Variants in PARD3 observed in about 807,000 individuals in gnomAD.
PARD3 encodes par-3 family cell polarity regulator, also known as partitioning defective 3 homolog.
In PARD3, 75 loss-of-function variants were observed where a neutral mutation model predicts 155.4. That is an observed-to-expected ratio of 0.48 (90% CI 0.40 to 0.58). The LOEUF (loss-of-function observed/expected upper bound fraction) is 0.58, where lower values mean the gene tolerates loss of function less well. PARD3 is among the 20% of genes least tolerant of loss of function. The probability of loss-of-function intolerance (pLI) is 0.00; values close to 1 mark genes in which losing one functional copy is unlikely to be tolerated. For synonymous variants in PARD3, 576 were observed against 610.5 expected (o/e 0.94, Z 0.83); for missense variants, 1,642 against 1,721.7 (o/e 0.95, Z 0.82).
intron 5 of PARD3, among the ~76,000 whole-genome samples, chr10:34,445,674 A>G (rs2076699908): frequency 6.6e-6 from 1 of 152,204 alleles, no homozygotes; most frequent in Non-Finnish European, 1.5e-5. Context: ...CCTTAAAAAC[A>G]GGTCTACAAT....
At chr10:34,240,317 G>T (rs1953499649) in intron 22 of PARD3, among the ~76,000 whole-genome samples, 1 of 152,168 alleles carries the variant, frequency 6.6e-6, no homozygotes. Flanking sequence ...TTCTGAGTAA[G>T]TACAGATGTG....
At chr10:34,477,526 T>TA (rs2078796739) in intron 3 of PARD3, among the ~76,000 whole-genome samples, 1 of 152,186 alleles carries the variant, frequency 6.6e-6, no homozygotes, top group Non-Finnish European at 1.5e-5. Context: ...GCACTGTAAA[T>TA]ATTGATGTCT....
intron 1 of PARD3, among the ~76,000 whole-genome samples, chr10:34,755,843 A>G (rs1314990973): frequency 6.6e-6 from 1 of 152,174 alleles, no homozygotes; most frequent in Admixed American, 6.5e-5. Context: ...CAAATCAACA[A>G]GACAGGCATT....
chr10:34,404,459 G>C (rs1052892969), intron 5 of PARD3, among the ~76,000 whole-genome samples: 3 of 152,114 alleles, frequency 2.0e-5, no homozygotes, highest in African/African-American at 7.2e-5. Context: ...TTGAACCCAG[G>C]ATTTCAAGAC....
chr10:34,544,757 C>A (rs2083909884), intron 2 of PARD3, among the ~76,000 whole-genome samples: 2 of 152,188 alleles, frequency 1.3e-5, no homozygotes, highest in African/African-American at 4.8e-5. Context: ...ACTACAGTAT[C>A]TATGAAGACT....
intron 15 of PARD3, among the ~76,000 whole-genome samples, chr10:34,346,628 T>C (rs1286435122): frequency 6.6e-6 from 1 of 151,480 alleles, no homozygotes; most frequent in Non-Finnish European, 1.5e-5. Flanking sequence ...GTGAAGAGAG[T>C]GGTAAGTAAT....
At chr10:34,694,750 C>T (rs1301228501) in intron 2 of PARD3, among the ~76,000 whole-genome samples, 1 of 152,158 alleles carries the variant, frequency 6.6e-6, no homozygotes, top group South Asian at 2.1e-4. Context: ...TCCACCATGA[C>T]AGGTGCAACA....
chr10:34,611,480 G>C (rs1564414794), intron 2 of PARD3, among the ~76,000 whole-genome samples: 1 of 152,154 alleles, frequency 6.6e-6, no homozygotes, highest in African/African-American at 2.4e-5. Flanking sequence ...GCAAGGAAAA[G>C]ACACATGCAG....
intron 21 of PARD3, among the ~76,000 whole-genome samples, chr10:34,272,220 AG>A (rs1286205200): frequency 6.6e-6 from 1 of 152,218 alleles, no homozygotes; most frequent in African/African-American, 2.4e-5. Flanking sequence ...AAAAAATGTA[AG>A]GGATTCTTTA....
intron 20 of PARD3, among the ~76,000 whole-genome samples, chr10:34,314,972 A>G (rs1019881226): frequency 2.0e-5 from 3 of 152,194 alleles, no homozygotes; most frequent in Non-Finnish European, 2.9e-5. Flanking sequence ...CATACCTAAA[A>G]AAGTATGAAT....
chr10:34,811,528 G>C (rs1844176769), intron 1 of PARD3, among the ~76,000 whole-genome samples: 1 of 152,084 alleles, frequency 6.6e-6, no homozygotes, highest in Non-Finnish European at 1.5e-5. Flanking sequence ...TCAAATCCTA[G>C]TGACTAAATG....
At chr10:34,429,388 T>TC (rs1294274675) in intron 5 of PARD3, among the ~76,000 whole-genome samples, 3 of 151,158 alleles carry the variant, frequency 2.0e-5, no homozygotes, top group Non-Finnish European at 4.4e-5. Flanking sequence ...TAAATAAAAA[T>TC]CTTTTTTTTT....
intron 1 of PARD3, among the ~76,000 whole-genome samples, chr10:34,750,559 T>C (rs962801489): frequency 2.0e-5 from 3 of 151,882 alleles, no homozygotes; most frequent in African/African-American, 7.3e-5. Flanking sequence ...ACAATTTACA[T>C]GTTTACATTT....
intron 13 of PARD3, 105 bp from the exon 14 acceptor site, chr10:34,359,422 A>C: frequency 1.2e-6 from 1 of 833,156 alleles, no homozygotes; most frequent in Non-Finnish European, 1.8e-6. Flanking sequence ...CAAAAAAAAA[A>C]AAAGTGGGGA....
intron 7 of PARD3, among the ~76,000 whole-genome samples, chr10:34,396,328 A>C (rs1389920705): frequency 6.6e-6 from 1 of 152,026 alleles, no homozygotes; most frequent in Non-Finnish European, 1.5e-5. Flanking sequence ...ACAGAGTGAG[A>C]CTCCATCTCA....
At chr10:34,805,231 C>T (rs1261683888) in intron 1 of PARD3, among the ~76,000 whole-genome samples, 1 of 152,062 alleles carries the variant, frequency 6.6e-6, no homozygotes, top group Non-Finnish European at 1.5e-5. Flanking sequence ...GTGGCAGGCG[C>T]CTGTAATCTC....
intron 3 of PARD3, among the ~76,000 whole-genome samples, chr10:34,509,895 C>A (rs2081302488): frequency 6.6e-6 from 1 of 152,190 alleles, no homozygotes; most frequent in Admixed American, 6.5e-5. Flanking sequence ...AATACAGCAG[C>A]CACAAGGCTG....
At chr10:34,739,516 G>A (rs1033584431) in intron 1 of PARD3, among the ~76,000 whole-genome samples, 19 of 152,204 alleles carry the variant, frequency 1.2e-4, no homozygotes, top group Admixed American at 2.0e-4. Flanking sequence ...GGAGAGAGGC[G>A]AGGGCAGGGG....
chr10:34,564,904 A>T (rs1287661293), intron 2 of PARD3, among the ~76,000 whole-genome samples: 1 of 152,202 alleles, frequency 6.6e-6, no homozygotes, highest in African/African-American at 2.4e-5. Flanking sequence ...TTTAATTCTT[A>T]TAACAACTTT....
Sources: allele counts gnomAD v4.1 joint callset (sites outside exome capture counted in the v4.1 genomes callset), GRCh38; gene constraint gnomAD v4.1.1; transcripts MANE v1.5; gene names NCBI Gene and HGNC (gene_info 2026-07-23, HGNC 2026-07-21).